Variants in DSE observed in about 807,000 individuals in gnomAD.
DSE encodes the protein dermatan sulfate epimerase.
A neutral mutation model predicts 84.4 loss-of-function variants in DSE; 36 were observed. The observed-to-expected ratio is 0.43, with a 90% confidence interval of 0.33 to 0.56. DSE has a LOEUF of 0.56. Among genes scored for constraint, DSE ranks in the 20% least tolerant of loss-of-function variants. The pLI is 0.06. For missense variants in DSE, 862 were observed against 1,169.6 expected (o/e 0.74, Z 3.84); for synonymous variants, 410 against 430.1 (o/e 0.95, Z 0.58).
exon 2 of DSE, chr6:116,258,782 G>C (rs1425102360): frequency 3.7e-6 from 6 of 1,609,738 alleles, no homozygotes; most frequent in Non-Finnish European, 4.3e-6. Flanking sequence ...GCGTTCACCA[G>C]GACCTGCAGA....
chr6:116,266,084 CAGTAGCCCCA>C, intron 2 of DSE, among the ~76,000 whole-genome samples: 1 of 152,220 alleles, frequency 6.6e-6, no homozygotes, highest in East Asian at 1.9e-4. Context: ...TCCTGGTGTG[CAGTAGCCCCA>C]TGCAGGGTTC....
chr6:116,337,877 A>G (rs1228808869), intron 2 of DSE, among the ~76,000 whole-genome samples: 1 of 152,194 alleles, frequency 6.6e-6, no homozygotes, highest in Non-Finnish European at 1.5e-5. Flanking sequence ...CATTGACTAT[A>G]AGTTCATTCT....
chr6:116,430,092 CAGAT>C (rs1209358072), intron 3 of DSE, among the ~76,000 whole-genome samples: 2 of 152,120 alleles, frequency 1.3e-5, no homozygotes, highest in East Asian at 1.9e-4. Context: ...TAAAATGTGA[CAGAT>C]GGAAGAATTG....
At position 116,435,634 on chromosome 6, in the gene DSE, C is replaced by T. The variant is rs1784097501; in HGVS notation, c.1166C>T (p.Pro389Leu). ...GTTCCTCCTCCAGACTTTGGCACCC[C>T]TACACTGCATTATTTTGAAGACTGG... ...KSVPPPDFGT[P>L]TLHYFEDWGV... is the part of the protein sequence containing the mutation. Residue 389 changes from proline (P) to leucine (L), a missense_variant, in exon 6 of 6, where the codon CCT becomes CTT. Pro to Leu is a moderately conservative substitution (Grantham distance 98). This residue lies in a region of DSE where 309 missense variants were observed against 516.9 expected (regional missense o/e 0.60). Transcript: ENST00000644252. 3.7e-6 allele frequency: 6 copies of T among 1,613,158 alleles called. No individual in the cohort carries two copies. The highest frequency in any genetic ancestry group is 5.1e-6 in the Non-Finnish European group (6 of 1,179,466).
At chr6:116,323,299 T>C (rs998341881) in intron 2 of DSE, among the ~76,000 whole-genome samples, 5 of 152,258 alleles carry the variant, frequency 3.3e-5, no homozygotes, top group African/African-American at 9.6e-5. Flanking sequence ...ATATAAGAGC[T>C]GAACATCTTT....
intron 2 of DSE, among the ~76,000 whole-genome samples, chr6:116,332,139 CAG>C (rs1346504118): frequency 6.6e-6 from 1 of 151,910 alleles, no homozygotes; most frequent in African/African-American, 2.4e-5. Context: ...TGAGCAACAA[CAG>C]AAAATAAAAC....
intron 2 of DSE, among the ~76,000 whole-genome samples, chr6:116,316,228 G>C (rs1388430474): frequency 6.6e-6 from 1 of 152,070 alleles, no homozygotes; most frequent in East Asian, 1.9e-4. Context: ...GTTTAAAGGG[G>C]CAGATGGAAG....
At chr6:116,382,795 C>G (rs1780323108) in intron 1 of DSE, among the ~76,000 whole-genome samples, 1 of 152,066 alleles carries the variant, frequency 6.6e-6, no homozygotes, top group Non-Finnish European at 1.5e-5. Flanking sequence ...CCCCGCCCTA[C>G]CCCCAGGCTT....
upstream of DSE, chr6:116,370,552 A>C (rs1779469863): frequency 1.0e-6 from 1 of 965,820 alleles, no homozygotes; most frequent in Admixed American, 6.2e-5. Flanking sequence ...GTATGGAAGC[A>C]TCAGCTCCTC....
At chr6:116,303,958 AC>A (rs1238494283) in intron 2 of DSE, among the ~76,000 whole-genome samples, 1 of 151,810 alleles carries the variant, frequency 6.6e-6, no homozygotes, top group Admixed American at 6.6e-5. Flanking sequence ...ATATGGTGAA[AC>A]CCCGTCTGTA....
chr6:116,419,603 A>C (rs929918494), intron 2 of DSE, among the ~76,000 whole-genome samples: 1 of 152,236 alleles, frequency 6.6e-6, no homozygotes, highest in Admixed American at 6.5e-5. Context: ...TGTACAGTAG[A>C]CACAGCTGCA....
upstream of DSE, chr6:116,370,562 C>A: frequency 1.1e-6 from 1 of 944,814 alleles, no homozygotes; most frequent in Non-Finnish European, 1.3e-6. Flanking sequence ...ATCAGCTCCT[C>A]CCCCTGGGCC....
chr6:116,399,691 A>G (rs763006092), intron 2 of DSE, 25 bp downstream of exon 2: 5 of 1,597,446 alleles, frequency 3.1e-6, no homozygotes. Flanking sequence ...TGTTCTTCTT[A>G]CTGTGGTAAC....
intron 2 of DSE, chr6:116,279,396 C>T (rs1209114564): frequency 2.5e-6 from 4 of 1,613,174 alleles, no homozygotes; most frequent in Non-Finnish European, 3.4e-6. Context: ...CCGCCCCCGC[C>T]GTCAGCTCAG....
intron 1 of DSE, chr6:116,375,622 CT>C: frequency 1.1e-6 from 1 of 913,358 alleles, no homozygotes; most frequent in Non-Finnish European, 1.3e-6. Flanking sequence ...ATGCTGAAGT[CT>C]TGCAGAAAAG....
chr6:116,357,855 T>C (rs1452182040), intron 2 of DSE, among the ~76,000 whole-genome samples: 6 of 152,190 alleles, frequency 3.9e-5, no homozygotes, highest in African/African-American at 9.7e-5. Flanking sequence ...TGCAGATGCA[T>C]AGAAATGCCC....
chr6:116,438,305 T>C lies in DSE; in HGVS notation c.*960T>C, dbSNP rs1377021644. The C allele has an allele frequency of 6.6e-6, 1 of 152,564 alleles. No homozygotes were observed. The highest frequency in any genetic ancestry group is 1.5e-5 in the Non-Finnish European group (1 of 67,974). The allele number at this position is 152,564 out of a possible 1,614,324, so 9.5% of individuals were successfully genotyped here. ...TTTTCTCTAGTATTCTTCTTCTTTG[T>C]TCCATTATATTCAAAATGCATTAAC... On this transcript the variant is annotated 3_prime_UTR_variant, in exon 6 of 6. Transcript: ENST00000644252.
At chr6:116,424,144 A>T (rs1193567410) in intron 2 of DSE, among the ~76,000 whole-genome samples, 3 of 152,238 alleles carry the variant, frequency 2.0e-5, no homozygotes, top group African/African-American at 7.2e-5. Flanking sequence ...ATGACATGGT[A>T]CAATGACACA....
intron 3 of DSE, 62 bp from the exon 4 acceptor site, chr6:116,430,892 T>C: frequency 1.3e-6 from 2 of 1,585,960 alleles, no homozygotes; most frequent in Non-Finnish European, 1.7e-6. Context: ...TTATTGGCCA[T>C]ATTTTTGTTT....
Sources: gnomAD v4.1 joint callset for allele counts (sites outside exome capture counted in the v4.1 genomes callset) on GRCh38, gnomAD v4.1.1 for gene constraint, gnomAD v4.1.1 regional missense constraint, MANE v1.5 for transcripts, NCBI Gene and HGNC (gene_info 2026-07-23, HGNC 2026-07-21) for gene names.